CHN2: variants seen among roughly 807,000 people sequenced by gnomAD.
The protein encoded by CHN2 is beta-chimaerin.
Under a neutral mutation model 56.3 loss-of-function variants are expected in CHN2, and 35 were observed. That is an observed-to-expected ratio of 0.62 (90% CI 0.47 to 0.82). The LOEUF is 0.82. Ranked by LOEUF, CHN2 falls within the 40% of genes least tolerant of loss-of-function variation. The pLI, the probability that CHN2 is intolerant of heterozygous loss-of-function variation, is 0.00. For missense variants in CHN2, 491 were observed against 580.5 expected, an observed-to-expected ratio of 0.85 and a Z score of 1.58; for synonymous variants, 210 against 212.8, an observed-to-expected ratio of 0.99 and a Z score of 0.12.
At chr7:29,306,086 C>T (rs1794136228) in intron 1 of CHN2, among the ~76,000 whole-genome samples, 1 of 152,092 alleles carries the variant, frequency 6.6e-6, no homozygotes, top group South Asian at 2.1e-4. Flanking sequence ...GTTCCCAATA[C>T]CATAATTTTA....
At chr7:29,411,988 T>C (rs1803261195) in intron 6 of CHN2, among the ~76,000 whole-genome samples, 1 of 152,196 alleles carries the variant, frequency 6.6e-6, no homozygotes, top group Non-Finnish European at 1.5e-5. Flanking sequence ...CCCTGCCACC[T>C]CTGCTGTCCT....
In CHN2 at chr7:29,367,998, A is replaced by G. The variant is rs1799307766; in HGVS notation, c.144+11A>G. On this transcript the variant is annotated intron_variant, in intron 3 of 12. Transcript: ENST00000222792. ...ATTTGTCCTCGGGAGGTCAGTGCTC[A>G]GCTATTTCCAATACACCTTGTTAAA... 6.2e-7 allele frequency: 1 copy of G among 1,606,772 alleles called. No homozygotes were observed. Among genetic ancestry groups the G allele is most frequent in the South Asian group, 1.1e-5 (1 of 89,962 alleles).
chr7:29,209,324 A>C (rs951551132), intron 1 of CHN2, among the ~76,000 whole-genome samples: 2 of 152,178 alleles, frequency 1.3e-5, no homozygotes, highest in Non-Finnish European at 2.9e-5. Context: ...TCCAAGACGC[A>C]TGGCCTCTCA....
chr7:29,354,969 T>C (rs946057731), intron 2 of CHN2, among the ~76,000 whole-genome samples: 1 of 150,492 alleles, frequency 6.6e-6, no homozygotes, highest in African/African-American at 2.4e-5. Flanking sequence ...TATTTATTTA[T>C]TTATTTTTTA....
intron 3 of CHN2, among the ~76,000 whole-genome samples, chr7:29,387,902 CTATT>C (rs1801049088): frequency 6.6e-6 from 1 of 152,082 alleles, no homozygotes; most frequent in Non-Finnish European, 1.5e-5. Flanking sequence ...AATGAAATTC[CTATT>C]TATTCAGCTG....
chr7:29,398,291 C>A, intron 4 of CHN2, 82 bp from the exon 5 acceptor site: 1 of 1,072,792 alleles, frequency 9.3e-7, no homozygotes, highest in Non-Finnish European at 1.4e-6. Context: ...TGGGTGCCCC[C>A]ACCATCCTTT....
At chr7:29,459,968 A>G (rs1184861080) in intron 6 of CHN2, among the ~76,000 whole-genome samples, 1 of 152,222 alleles carries the variant, frequency 6.6e-6, no homozygotes, top group African/African-American at 2.4e-5. Context: ...TCTGCCACTC[A>G]GGCAAGTCAG....
chr7:29,458,925 G>A (rs753138795), intron 6 of CHN2, among the ~76,000 whole-genome samples: 3 of 152,144 alleles, frequency 2.0e-5, no homozygotes, highest in Non-Finnish European at 4.4e-5. Flanking sequence ...ATTCAGGAGC[G>A]GACAGATGCA....
At chr7:29,495,611 A>G (rs1356089267) in intron 7 of CHN2, among the ~76,000 whole-genome samples, 1 of 152,210 alleles carries the variant, frequency 6.6e-6, no homozygotes, top group African/African-American at 2.4e-5. Context: ...GAACTTGCTG[A>G]GCTAAATGCA....
At chr7:29,186,907 T>C (rs931908815) in intron 2 of CHN2, among the ~76,000 whole-genome samples, 1 of 152,166 alleles carries the variant, frequency 6.6e-6, no homozygotes. Flanking sequence ...GATGATAATA[T>C]CTACAGCTGG....
chr7:29,323,513 A>G (rs1795529835), intron 1 of CHN2, among the ~76,000 whole-genome samples: 2 of 152,152 alleles, frequency 1.3e-5, no homozygotes, highest in Non-Finnish European at 2.9e-5. Flanking sequence ...CCTGCTACAT[A>G]AAGAAAGACC....
intron 1 of CHN2, among the ~76,000 whole-genome samples, chr7:29,206,499 CTCAA>C (rs1388373927): frequency 1.1e-3 from 169 of 152,258 alleles, no homozygotes; most frequent in African/African-American, 3.9e-3. Context: ...CCAGGCTGGT[CTCAA>C]ACTCCTGACC....
intron 6 of CHN2, among the ~76,000 whole-genome samples, chr7:29,468,569 T>TG (rs913546297): frequency 2.0e-5 from 3 of 152,176 alleles, no homozygotes; most frequent in African/African-American, 7.2e-5. Context: ...GCCAACTCTC[T>TG]GGATCCCACC....
intron 1 of CHN2, among the ~76,000 whole-genome samples, chr7:29,318,484 C>A (rs1187916686): frequency 6.6e-6 from 1 of 152,150 alleles, no homozygotes; most frequent in Non-Finnish European, 1.5e-5. Context: ...TGGAATTCAT[C>A]CAGGCCTGAG....
intron 1 of CHN2, among the ~76,000 whole-genome samples, chr7:29,224,266 A>G (rs560305293): frequency 6.6e-6 from 1 of 152,206 alleles, no homozygotes; most frequent in South Asian, 2.1e-4. Context: ...AAAAATTATG[A>G]AACAGTTTGT....
chr7:29,258,825 T>C (rs1789289979), intron 1 of CHN2, among the ~76,000 whole-genome samples: 1 of 152,216 alleles, frequency 6.6e-6, no homozygotes, highest in Admixed American at 6.5e-5. Flanking sequence ...AAAGAGGAAT[T>C]TGGCATCATC....
intron 6 of CHN2, among the ~76,000 whole-genome samples, chr7:29,402,557 C>T (rs1802305090): frequency 6.6e-6 from 1 of 152,196 alleles, no homozygotes; most frequent in African/African-American, 2.4e-5. Flanking sequence ...CCAGCCATGA[C>T]AAATCAGAAG....
chr7:29,476,490 T>C (rs1025934918), intron 6 of CHN2, among the ~76,000 whole-genome samples: 2 of 150,252 alleles, frequency 1.3e-5, no homozygotes, highest in Admixed American at 1.3e-4. Context: ...TGAGCCGAGA[T>C]CGCGCCATTG....
chr7:29,225,217 A>G (rs963267569), intron 1 of CHN2, among the ~76,000 whole-genome samples: 1 of 152,218 alleles, frequency 6.6e-6, no homozygotes, highest in Non-Finnish European at 1.5e-5. Flanking sequence ...CGAATAATTT[A>G]AATTAATCCA....
Sources: allele counts gnomAD v4.1 joint callset (sites outside exome capture counted in the v4.1 genomes callset), GRCh38; gene constraint gnomAD v4.1.1; transcripts MANE v1.5; gene names NCBI Gene and HGNC (gene_info 2026-07-23, HGNC 2026-07-21).